The following TRIT1 variants were observed in gnomAD, a reference collection of about 807,000 sequenced individuals.
TRIT1 encodes the protein tRNA isopentenyltransferase 1.
In TRIT1, 43 loss-of-function variants were observed where a neutral mutation model predicts 51.2. The ratio of observed to expected loss-of-function variants is 0.84; its 90% CI spans 0.66 to 1.08. The LOEUF (loss-of-function observed/expected upper bound fraction) is 1.08. Among genes scored for constraint, TRIT1 ranks in the 50% least tolerant of loss-of-function variants. The probability of loss-of-function intolerance (pLI) is 0.00; values close to 1 mark genes in which losing one functional copy is unlikely to be tolerated. For synonymous variants in TRIT1, 184 were observed against 203.9 expected (o/e 0.90, Z 0.83); for missense variants, 528 against 578.4 (o/e 0.91, Z 0.89).
chr1:39,878,068 A>T (rs1251858239), intron 1 of TRIT1, among the ~76,000 whole-genome samples: 1 of 152,222 alleles, frequency 6.6e-6, no homozygotes, highest in Non-Finnish European at 1.5e-5. Flanking sequence ...CAAAGAAGGT[A>T]ATCCCCTCAG....
At chr1:39,862,613 AC>A (rs1250378318) in intron 1 of TRIT1, among the ~76,000 whole-genome samples, 1 of 152,178 alleles carries the variant, frequency 6.6e-6, no homozygotes, top group Admixed American at 6.5e-5. Flanking sequence ...TCACATTTGT[AC>A]CAGGCATAAA....
intron 6 of TRIT1, 108 bp downstream of exon 6, chr1:39,847,878 G>A: frequency 7.4e-7 from 1 of 1,349,672 alleles, no homozygotes; most frequent in Non-Finnish European, 1.0e-6. Context: ...AACTGCATCT[G>A]CAAAGAAGGC....
At position 39,854,007 on chromosome 1, in the gene TRIT1, A is replaced by T; in HGVS notation, c.377T>A (p.Ile126Asn). 2 of 1,613,636 alleles carry T rather than the reference A, an allele frequency of 1.2e-6. No homozygotes were observed. Among genetic ancestry groups the T allele is most frequent in the South Asian group, 2.2e-5 (2 of 90,952 alleles). ...AAGAACTTTCCAGAGCAGAGATTCA[A>T]TGTAATAATTGGTTCCTCCCACAAC... is the stretch of plus-strand genomic sequence containing the variant. ...PIVVGGTNYY[I>N]ESLLWKVLVN... Residue 126 changes from isoleucine to asparagine, a missense_variant, in exon 3 of 11, where the codon ATT (isoleucine) becomes AAT (asparagine). Ile to Asn is a moderately radical substitution (Grantham distance 149). Around this residue, in one of 3 missense-constraint regions of TRIT1, gnomAD observed 468 missense variants for 522.6 expected, o/e 0.90. Coordinates refer to ENST00000316891, the MANE Select transcript of TRIT1 (RefSeq NM_017646.6).
chr1:39,844,063 C>G, intron 10 of TRIT1, 38 bp downstream of exon 10: 1 of 1,459,458 alleles, frequency 6.9e-7, no homozygotes, highest in Non-Finnish European at 9.6e-7. Context: ...TGTGAACCCA[C>G]CCTTATAGAT....
chr1:39,853,295 G>A (rs1642693183), intron 3 of TRIT1, among the ~76,000 whole-genome samples: 1 of 152,110 alleles, frequency 6.6e-6, no homozygotes, highest in African/African-American at 2.4e-5. Context: ...TATACATACT[G>A]TGCTGCCAGC....
intron 2 of TRIT1, among the ~76,000 whole-genome samples, chr1:39,854,624 C>A (rs778929122): frequency 6.6e-5 from 10 of 152,208 alleles, no homozygotes; most frequent in Non-Finnish European, 1.5e-4. Flanking sequence ...TGGACAATTA[C>A]TCAGCCTGTC....
intron 1 of TRIT1, among the ~76,000 whole-genome samples, chr1:39,868,614 A>C (rs1156955244): frequency 1.3e-5 from 2 of 148,968 alleles, no homozygotes; most frequent in Non-Finnish European, 3.0e-5. Context: ...ATTGCACTCC[A>C]GCCTGGGCGA....
chr1:39,839,427 C>T lies in TRIT1; in HGVS notation c.*2317G>A, dbSNP rs1416598996. ...TTAGGCCTCAGTTTCCCCATCCATA[C>T]AAGAGATAAAGAATTCTTTCATCTC... On this transcript the variant is annotated 3_prime_UTR_variant, in exon 11 of 11. Transcript: ENST00000316891. Among the ~76,000 whole-genome samples, 2 of 152,218 alleles carry T rather than the reference C, an allele frequency of 1.3e-5. No individual in the cohort carries two copies. Among genetic ancestry groups the T allele is most frequent in the Admixed American group, 6.5e-5 (1 of 15,286 alleles).
At chr1:39,877,383 G>C (rs1254986038) in intron 1 of TRIT1, among the ~76,000 whole-genome samples, 1 of 147,296 alleles carries the variant, frequency 6.8e-6, no homozygotes, top group East Asian at 2.0e-4. Context: ...TGGATGACGA[G>C]ATGACACATA....
rs1353360818 is a variant in TRIT1, at chr1:39,856,403, G to A, written c.315+874C>T. ...GGACGCTGAGGTGGGAGGATCACCT[G>A]AGCCCAGGAGGTCAAGGTGGCAATG... On this transcript the variant is annotated intron_variant, in intron 2 of 10. Transcript: ENST00000316891. Among the ~76,000 whole-genome samples the A allele has an allele frequency of 2.7e-5, 4 of 150,900 alleles. No individual in the cohort carries two copies. In the East Asian group the frequency reaches 7.8e-4, roughly 29 times the overall value.
chr1:39,870,513 TA>T (rs60334518), intron 1 of TRIT1, among the ~76,000 whole-genome samples: 39,633 of 79,090 alleles, frequency 0.5, 7,629 homozygotes, highest in Non-Finnish European at 0.54. Flanking sequence ...CAATAAATAC[TA>T]AAAAAAAAAA....
At position 39,838,859 on chromosome 1, in the gene TRIT1, T is replaced by C. The variant is rs979372624; in HGVS notation, c.*2885A>G. Among the ~76,000 whole-genome samples the C allele has an allele frequency of 2.0e-5, 3 of 150,826 alleles. No homozygotes were observed. Among genetic ancestry groups the C allele is most frequent in the African/African-American group, 7.3e-5 (3 of 40,976 alleles). On this transcript the variant is annotated 3_prime_UTR_variant, in exon 11 of 11. Coordinates refer to ENST00000316891, the MANE Select transcript of TRIT1 (RefSeq NM_017646.6). ...TTTGTTTTAAGCAAAAAAATCCTCT[T>C]TGGAACTAAAGAGAGCTAAGAGAGG...
chr1:39,876,395 A>G (rs1057117241), intron 1 of TRIT1, among the ~76,000 whole-genome samples: 2 of 152,130 alleles, frequency 1.3e-5, no homozygotes, highest in African/African-American at 4.8e-5. Context: ...TTGACTCCAA[A>G]GTTCTCCCTG....
chr1:39,841,193 C>T lies in TRIT1; in HGVS notation c.*551G>A, dbSNP rs1043843. On this transcript the variant is annotated 3_prime_UTR_variant, in exon 11 of 11. Transcript: ENST00000316891. ...TCTTCAAGTCCTATGTCACAGCTTC[C>T]TCAGTCTGATTCCCTCCTTCTCTGT... is the stretch of plus-strand genomic sequence containing the variant. 0.16 allele frequency: 24,778 copies of T among 152,234 alleles called. 2,267 individuals are homozygous for T. The highest frequency in any genetic ancestry group is 0.22 in the Non-Finnish European group (14,748 of 68,002). 9.4% of individuals were successfully genotyped at this position (152,234 alleles called of 1,614,324 possible). A position where few individuals can be genotyped will look rare whatever the true frequency, so the allele number is the denominator to read the frequency against.
chr1:39,850,757 G>C (rs1302613374), intron 4 of TRIT1, among the ~76,000 whole-genome samples: 1 of 152,212 alleles, frequency 6.6e-6, no homozygotes, highest in African/African-American at 2.4e-5. Context: ...AAAAGAGCTT[G>C]TTTGGGACAC....
chr1:39,845,955 G>A (rs1642199875), intron 8 of TRIT1, among the ~76,000 whole-genome samples: 3 of 152,184 alleles, frequency 2.0e-5, no homozygotes, highest in African/African-American at 7.2e-5. Context: ...CCACAGAGAT[G>A]GAGGAATTAT....
intron 1 of TRIT1, among the ~76,000 whole-genome samples, chr1:39,872,782 G>A (rs35426856): frequency 5.6e-5 from 4 of 70,984 alleles, no homozygotes; most frequent in African/African-American, 3.4e-4. Context: ...CACACACACA[G>A]AGAGAGAGAG....
intron 4 of TRIT1, among the ~76,000 whole-genome samples, chr1:39,850,639 T>C (rs1197214550): frequency 6.6e-6 from 1 of 152,224 alleles, no homozygotes; most frequent in Non-Finnish European, 1.5e-5. Flanking sequence ...AATAATATTA[T>C]TTTTCTAAAG....
chr1:39,844,156 A>C lies in TRIT1; in HGVS notation c.1179T>G (p.Ser393Arg). 1 of 1,614,220 alleles carries C rather than the reference A, an allele frequency of 6.2e-7. No individual in the cohort carries two copies. The highest frequency in any genetic ancestry group is 8.5e-7 in the Non-Finnish European group (1 of 1,180,022). ...GATCACAGAGGTCACACAGGTGATA[A>C]CTTCTCTTGTTCTCAGCTTCATTGT... ...MPYNEAENKR[S>R]YHLCDLCDRI... is the part of the protein sequence containing the mutation. Residue 393 changes from serine (S) to arginine (R), a missense_variant, in exon 10 of 11, where the codon AGT becomes AGG. Ser to Arg is a moderately radical substitution (Grantham distance 110). Around this residue, in one of 3 missense-constraint regions of TRIT1, gnomAD observed 468 missense variants for 522.6 expected, o/e 0.90. Transcript: ENST00000316891.
Sources: allele counts gnomAD v4.1 joint callset (sites outside exome capture counted in the v4.1 genomes callset), GRCh38; gene constraint gnomAD v4.1.1; regional missense constraint gnomAD v4.1.1; transcripts MANE v1.5; gene names NCBI Gene and HGNC (gene_info 2026-07-23, HGNC 2026-07-21).